Variants in VPS35L observed in about 807,000 individuals in gnomAD.
The protein encoded by VPS35L is VPS35 endosomal protein-sorting factor-like.
A neutral mutation model predicts 133.0 loss-of-function variants in VPS35L; 83 were observed. That is an observed-to-expected ratio of 0.62 (90% CI 0.52 to 0.75). The LOEUF is 0.75. Among genes scored for constraint, VPS35L ranks in the 30% least tolerant of loss-of-function variants. The pLI, the probability that VPS35L is intolerant of heterozygous loss-of-function variation, is 0.00. For synonymous variants in VPS35L, 423 were observed against 449.9 expected (o/e 0.94, Z 0.76); for missense variants, 1,083 against 1,206.8 (o/e 0.90, Z 1.52).
chr16:19,691,312 C>T (rs1262057420), intron 28 of VPS35L, 41 bp from the exon 29 acceptor site: 12 of 1,538,724 alleles, frequency 7.8e-6, no homozygotes, highest in Middle Eastern at 1.7e-4. Flanking sequence ...AGCATGGCCG[C>T]GGGGCTTGGG....
chr16:19,697,814 G>T (rs1387863344), intron 29 of VPS35L, among the ~76,000 whole-genome samples: 1 of 152,214 alleles, frequency 6.6e-6, no homozygotes. Flanking sequence ...GACCCTGAGT[G>T]TGTGGCCTGG....
At chr16:19,675,250 CTTTTT>C (rs61213469) in intron 27 of VPS35L, among the ~76,000 whole-genome samples, 1 of 141,164 alleles carries the variant, frequency 7.1e-6, no homozygotes, top group Non-Finnish European at 1.5e-5. Context: ...TGCACCCAGT[CTTTTT>C]TTTTTTTTTT....
chr16:19,632,444 C>T (rs1973486641), intron 18 of VPS35L, among the ~76,000 whole-genome samples: 1 of 152,136 alleles, frequency 6.6e-6, no homozygotes, highest in Non-Finnish European at 1.5e-5. Flanking sequence ...CTCTCCTTCC[C>T]CTTTCTTTCC....
chr16:19,605,307 CTTTG>C (rs1323890615), intron 9 of VPS35L, among the ~76,000 whole-genome samples: 1 of 152,132 alleles, frequency 6.6e-6, no homozygotes, highest in Non-Finnish European at 1.5e-5. Context: ...AATCTCTGTT[CTTTG>C]TTATATTGAA....
chr16:19,610,200 A>G (rs1597356898), intron 11 of VPS35L, 122 bp from the exon 12 acceptor site: 1 of 765,462 alleles, frequency 1.3e-6, no homozygotes, highest in South Asian at 1.8e-5. Context: ...TTGGTTTGTT[A>G]CTGAAACTTG....
At chr16:19,694,390 T>C (rs2151629212) in intron 29 of VPS35L, 1 of 152,104 alleles carries the variant, frequency 6.6e-6, no homozygotes, top group Middle Eastern at 3.4e-3. Flanking sequence ...GAGAGCCCTT[T>C]CAGCCTACAG....
intron 25 of VPS35L, 60 bp downstream of exon 25, chr16:19,650,519 G>C: frequency 7.5e-7 from 1 of 1,325,518 alleles, no homozygotes; most frequent in Non-Finnish European, 1.1e-6. Flanking sequence ...TTAGTTTGCA[G>C]GTTACTAAAT....
At chr16:19,588,158 A>AGTATGTAT (rs71146263) in intron 7 of VPS35L, among the ~76,000 whole-genome samples, 29,133 of 147,446 alleles carry the variant, frequency 0.2, 3,691 homozygotes, top group East Asian at 0.36. Flanking sequence ...GGGTAATATA[A>AGTATGTAT]GTATGTATGT....
chr16:19,665,591 T>C (rs58346969), intron 26 of VPS35L, among the ~76,000 whole-genome samples: 2 of 152,354 alleles, frequency 1.3e-5, no homozygotes, highest in East Asian at 3.9e-4. Context: ...TGACGGACAC[T>C]TAGATTGCTT....
chr16:19,585,514 G>A (rs1376817710), intron 7 of VPS35L, among the ~76,000 whole-genome samples: 2 of 148,950 alleles, frequency 1.3e-5, no homozygotes, highest in South Asian at 2.2e-4. Context: ...CGATCCTCCC[G>A]CCTCAGCCTT....
intron 29 of VPS35L, among the ~76,000 whole-genome samples, chr16:19,698,950 C>A (rs547433215): frequency 6.6e-6 from 1 of 152,270 alleles, no homozygotes; most frequent in South Asian, 2.1e-4. Flanking sequence ...CAAGATACCT[C>A]TCACATCAGA....
chr16:19,695,956 A>G (rs1194206309), intron 29 of VPS35L, among the ~76,000 whole-genome samples: 1 of 151,888 alleles, frequency 6.6e-6, no homozygotes, highest in Non-Finnish European at 1.5e-5. Context: ...GCACAATTTC[A>G]GCTGACTGCA....
intron 26 of VPS35L, among the ~76,000 whole-genome samples, chr16:19,660,198 G>A (rs1394594607): frequency 1.3e-5 from 2 of 151,928 alleles, no homozygotes; most frequent in African/African-American, 2.4e-5. Flanking sequence ...GGTGGTGTGC[G>A]CCTGTAGTCC....
chr16:19,580,382 G>A (rs966632309), intron 6 of VPS35L, among the ~76,000 whole-genome samples: 4 of 152,034 alleles, frequency 2.6e-5, no homozygotes, highest in African/African-American at 9.7e-5. Flanking sequence ...AATATGCTGG[G>A]ATTACAGATG....
chr16:19,647,512 G>A (rs950065242), intron 23 of VPS35L, among the ~76,000 whole-genome samples: 3 of 152,164 alleles, frequency 2.0e-5, no homozygotes, highest in African/African-American at 7.2e-5. Context: ...CTTCTGACAA[G>A]GGGCCCCCAA....
intron 2 of VPS35L, among the ~76,000 whole-genome samples, chr16:19,566,751 C>CCTTTTTTTT (rs1971203368): frequency 6.6e-6 from 1 of 151,672 alleles, no homozygotes; most frequent in Non-Finnish European, 1.5e-5. Flanking sequence ...TTGGCCCCCC[C>CCTTTTTTTT]CTTTTTTTTC....
At chr16:19,560,727 C>A (rs757867413) in intron 1 of VPS35L, among the ~76,000 whole-genome samples, 1 of 151,218 alleles carries the variant, frequency 6.6e-6, no homozygotes, top group Non-Finnish European at 1.5e-5. Flanking sequence ...ATCCAGGAGG[C>A]GGAGGTTGCA....
At chr16:19,669,086 A>C in intron 26 of VPS35L, 74 bp from the exon 27 acceptor site, 2 of 1,493,398 alleles carry the variant, frequency 1.3e-6, no homozygotes, top group Non-Finnish European at 1.8e-6. Flanking sequence ...ACTGGCCTTC[A>C]GGCCACGTGA....
chr16:19,580,191 G>T (rs778508245), intron 6 of VPS35L, among the ~76,000 whole-genome samples: 9 of 151,872 alleles, frequency 5.9e-5, no homozygotes, highest in Non-Finnish European at 1.3e-4. Context: ...TCAGCTCACT[G>T]CAACCTCTGC....
Sources: gnomAD v4.1 joint callset for allele counts (sites outside exome capture counted in the v4.1 genomes callset) on GRCh38, gnomAD v4.1.1 for gene constraint, MANE v1.5 for transcripts, NCBI Gene and HGNC (gene_info 2026-07-23, HGNC 2026-07-21) for gene names.